NF1: variants seen among roughly 807,000 people sequenced by gnomAD.
NF1 encodes the protein neurofibromin.
NF1 carries 122 observed loss-of-function variants against 325.7 expected under a neutral mutation model. The observed-to-expected ratio is 0.37, with a 90% CI of 0.32 to 0.44. NF1 has a LOEUF of 0.44. NF1 is among the 20% of genes least tolerant of loss of function. The pLI is 1.00. For missense variants in NF1, 2,140 were observed against 3,415.4 expected (o/e 0.63, Z 9.31); for synonymous variants, 1,091 against 1,186.0 (o/e 0.92, Z 1.65).
intron 8 of NF1, among the ~76,000 whole-genome samples, chr17:31,195,363 GTC>G (rs1283830454): frequency 3.9e-5 from 6 of 151,918 alleles, no homozygotes; most frequent in Non-Finnish European, 8.8e-5. Context: ...TAGTTTTTCT[GTC>G]TCTTTAAAAT....
At chr17:31,298,539 A>G (rs191460753) in intron 36 of NF1, among the ~76,000 whole-genome samples, 2 of 152,244 alleles carry the variant, frequency 1.3e-5, no homozygotes, top group African/African-American at 4.8e-5. Flanking sequence ...TACAAGAGAA[A>G]CTATACTCTA....
At chr17:31,139,616 T>C (rs570398679) in intron 1 of NF1, among the ~76,000 whole-genome samples, 1 of 152,348 alleles carries the variant, frequency 6.6e-6, no homozygotes, top group South Asian at 2.1e-4. Flanking sequence ...GAACTAACTT[T>C]ATTGTTGGAG....
chr17:31,312,063 T>C (rs2068889644), intron 36 of NF1, among the ~76,000 whole-genome samples: 1 of 152,216 alleles, frequency 6.6e-6, no homozygotes, highest in African/African-American at 2.4e-5. Context: ...GTGATTTTTT[T>C]TTTAAAGCTT....
intron 48 of NF1, among the ~76,000 whole-genome samples, chr17:31,343,831 C>T (rs974142106): frequency 6.6e-6 from 1 of 151,918 alleles, no homozygotes; most frequent in African/African-American, 2.4e-5. Context: ...TGGCACATGC[C>T]TATAGTGCCA....
intron 1 of NF1, among the ~76,000 whole-genome samples, chr17:31,155,181 C>G (rs984365915): frequency 3.3e-5 from 5 of 151,922 alleles, no homozygotes; most frequent in African/African-American, 1.2e-4. Context: ...AGGAACATTG[C>G]TAGGTTTCTC....
intron 39 of NF1, among the ~76,000 whole-genome samples, chr17:31,332,577 T>TGAGACCAGCC (rs1166946668): frequency 2.0e-5 from 2 of 102,116 alleles, no homozygotes; most frequent in African/African-American, 2.8e-5. Context: ...GATCATGGTT[T>TGAGACCAGCC]TTTTTTTTTT....
chr17:31,202,974 CAA>C (rs1032863358), intron 11 of NF1, among the ~76,000 whole-genome samples: 69 of 152,232 alleles, frequency 4.5e-4, no homozygotes, highest in African/African-American at 1.6e-3. Context: ...TAAAAATATT[CAA>C]AGAGTGGATA....
At position 31,295,351 on chromosome 17, in the gene NF1, A is replaced by G. The variant is rs778939303; in HGVS notation, c.4835+30012A>G. The G allele has an allele frequency of 3.7e-6, 6 of 1,614,132 alleles. No individual in the cohort carries two copies. In the South Asian group the frequency reaches 6.6e-5, roughly 18 times the overall value. On this transcript the variant is annotated intron_variant, in intron 36 of 57. Coordinates refer to ENST00000358273, the MANE Select transcript of NF1 (RefSeq NM_001042492.3). ...CTGGATAGGGCACAAAAGCCTTATCAGTGCTAGTAAAGGTGGTGTCTTTGC... is the reference window on the plus strand; with the variant it reads ...CTGGATAGGGCACAAAAGCCTTATCGGTGCTAGTAAAGGTGGTGTCTTTGC...
At chr17:31,304,742 T>G in intron 36 of NF1, 2 of 1,614,224 alleles carry the variant, frequency 1.2e-6, no homozygotes, top group Non-Finnish European at 1.7e-6. Flanking sequence ...TCAAACAACT[T>G]AATTTCTAAG....
At chr17:31,120,514 A>G (rs1567798533) in intron 1 of NF1, among the ~76,000 whole-genome samples, 1 of 152,196 alleles carries the variant, frequency 6.6e-6, no homozygotes, top group African/African-American at 2.4e-5. Flanking sequence ...GGCTGAGACG[A>G]TAGGGTTTTC....
At chr17:31,252,875 A>G (rs1167602324) in intron 30 of NF1, 63 bp from the exon 31 acceptor site, 5 of 1,321,448 alleles carry the variant, frequency 3.8e-6, no homozygotes, top group African/African-American at 2.9e-5. Flanking sequence ...ACAAGCCAAC[A>G]TTGTTTTTGT....
chr17:31,330,519 T>A (rs776340035), intron 39 of NF1, 21 bp downstream of exon 39: 2 of 1,510,280 alleles, frequency 1.3e-6, no homozygotes, highest in South Asian at 2.3e-5. Flanking sequence ...ATAATTTTCT[T>A]TAATACTAAC....
intron 1 of NF1, among the ~76,000 whole-genome samples, chr17:31,098,193 G>T (rs1311366653): frequency 2.6e-5 from 4 of 150,952 alleles, no homozygotes; most frequent in Non-Finnish European, 5.9e-5. Context: ...TCACCTTACG[G>T]TTGAAAATGT....
intron 31 of NF1, among the ~76,000 whole-genome samples, chr17:31,257,979 G>A (rs2067612220): frequency 6.6e-6 from 1 of 152,052 alleles, no homozygotes; most frequent in Non-Finnish European, 1.5e-5. Context: ...TTTCATGTCT[G>A]TTAATCTTAG....
Position 31,225,077 on chromosome 17 carries a change from T to A in NF1, c.1846-18T>A, listed in dbSNP as rs2066988664. On this transcript the variant is annotated intron_variant, in intron 16 of 57. Transcript: ENST00000358273. ...TTGTCAGTGCTTCAGTAAAGCTTAT[T>A]TATTTATTTTTTTCTAGCAGGCAGA... 1 of 1,612,748 alleles carries A rather than the reference T, an allele frequency of 6.2e-7. No individual in the cohort carries two copies.
chr17:31,344,824 A>T (rs1313776829), intron 48 of NF1, among the ~76,000 whole-genome samples: 2 of 152,246 alleles, frequency 1.3e-5, no homozygotes, highest in African/African-American at 4.8e-5. Context: ...TGTAATCCCA[A>T]CACTTTGGGA....
intron 11 of NF1, among the ~76,000 whole-genome samples, chr17:31,201,957 G>C (rs2066538345): frequency 6.6e-6 from 1 of 152,074 alleles, no homozygotes; most frequent in South Asian, 2.1e-4. Context: ...TAAATCTTTT[G>C]ATCCTAAATT....
chr17:31,328,664 A>G (rs2069407071), intron 38 of NF1, among the ~76,000 whole-genome samples: 1 of 152,150 alleles, frequency 6.6e-6, no homozygotes, highest in African/African-American at 2.4e-5. Context: ...CCAAGTTAGG[A>G]TAATTCTTTG....
intron 22 of NF1, 131 bp from the exon 23 acceptor site, chr17:31,230,126 GTTC>G: frequency 7.1e-7 from 1 of 1,407,582 alleles, no homozygotes; most frequent in Middle Eastern, 2.1e-4. Context: ...AGTTGTGTAC[GTTC>G]TTTTCTAAAT....
Sources: allele counts gnomAD v4.1 joint callset (sites outside exome capture counted in the v4.1 genomes callset), GRCh38; gene constraint gnomAD v4.1.1; transcripts MANE v1.5; gene names NCBI Gene and HGNC (gene_info 2026-07-23, HGNC 2026-07-21).